TNRC6C: variants seen among roughly 807,000 people sequenced by gnomAD.
The protein encoded by TNRC6C is trinucleotide repeat-containing gene 6C protein.
Under a neutral mutation model 153.7 loss-of-function variants are expected in TNRC6C, and 20 were observed. That is an observed-to-expected ratio of 0.13 (90% CI 0.09 to 0.19). The LOEUF (loss-of-function observed/expected upper bound fraction) is 0.19. Ranked by LOEUF, TNRC6C falls within the 10% of genes least tolerant of loss-of-function variation. The pLI is 1.00. For missense variants in TNRC6C, 1,987 were observed against 2,172.0 expected (o/e 0.91, Z 1.69); for synonymous variants, 811 against 841.4 (o/e 0.96, Z 0.63).
At position 78,031,864 on chromosome 17, in the gene TNRC6C, A is replaced by G. The variant is rs1314448313; in HGVS notation, c.-219+22A>G. On this transcript the variant is annotated intron_variant, in intron 2 of 19. Transcript: ENST00000301624. ...CCAGGTAAAAACCACATAGGATGAGACATTGTTTTGATCTGAAAACTTTGC... is the reference window on the plus strand; with the variant it reads ...CCAGGTAAAAACCACATAGGATGAGGCATTGTTTTGATCTGAAAACTTTGC... The G allele has an allele frequency of 1.2e-5, 15 of 1,231,998 alleles. No individual in the cohort carries two copies. The East Asian group carries it at 4.7e-4, about 39-fold the overall frequency. 76.3% of individuals were successfully genotyped at this position (1,231,998 alleles called of 1,614,324 possible).
At chr17:78,062,973 C>T (rs749377367) in intron 3 of TNRC6C, among the ~76,000 whole-genome samples, 41 of 152,062 alleles carry the variant, frequency 2.7e-4, no homozygotes, top group Non-Finnish European at 4.4e-4. Context: ...AGACTGGGTA[C>T]GGTAACTCAC....
chr17:77,987,258 C>T (rs1475559388), intron 1 of TNRC6C, among the ~76,000 whole-genome samples: 3 of 152,044 alleles, frequency 2.0e-5, no homozygotes, highest in Non-Finnish European at 4.4e-5. Flanking sequence ...GAAATATGTT[C>T]ATTAATAGTC....
intron 7 of TNRC6C, 136 bp downstream of exon 9, chr17:78,073,230 C>G: frequency 1.6e-6 from 1 of 619,142 alleles, no homozygotes; most frequent in Non-Finnish European, 2.6e-6. Flanking sequence ...AAGGGGCAAC[C>G]ACACAACAAG....
At chr17:77,979,852 C>CGG (rs1252141272) in intron 1 of TNRC6C, among the ~76,000 whole-genome samples, 1 of 152,016 alleles carries the variant, frequency 6.6e-6, no homozygotes, top group African/African-American at 2.4e-5. Flanking sequence ...TTCAAAGGAG[C>CGG]GGCAGTAAAG....
chr17:78,034,698 GGT>G (rs929268198), intron 2 of TNRC6C, among the ~76,000 whole-genome samples: 6 of 152,184 alleles, frequency 3.9e-5, no homozygotes, highest in Non-Finnish European at 5.9e-5. Flanking sequence ...GGTCGGGCGT[GGT>G]GGCTGATGCC....
At chr17:78,026,214 A>T (rs1165139588) in intron 1 of TNRC6C, among the ~76,000 whole-genome samples, 1 of 152,236 alleles carries the variant, frequency 6.6e-6, no homozygotes, top group Non-Finnish European at 1.5e-5. Context: ...GTTGTCAAAC[A>T]CTATGCTGCC....
At chr17:78,022,356 A>G (rs2071850636) in intron 1 of TNRC6C, among the ~76,000 whole-genome samples, 1 of 152,226 alleles carries the variant, frequency 6.6e-6, no homozygotes, top group South Asian at 2.1e-4. Flanking sequence ...AATGTCTTAG[A>G]ATTTGGTGGT....
intron 1 of TNRC6C, among the ~76,000 whole-genome samples, chr17:77,969,229 G>A (rs996691715): frequency 6.6e-6 from 1 of 152,108 alleles, no homozygotes; most frequent in Non-Finnish European, 1.5e-5. Flanking sequence ...GACTGACTGA[G>A]GTAGTATAAT....
chr17:77,976,221 A>G (rs377480419), intron 1 of TNRC6C, among the ~76,000 whole-genome samples: 31 of 152,258 alleles, frequency 2.0e-4, no homozygotes, highest in African/African-American at 6.0e-4. Context: ...ATTTGTGTAT[A>G]CGTTTCTGTA....
intron 3 of TNRC6C, among the ~76,000 whole-genome samples, chr17:78,063,026 ACTTGAGGTCAGGAGTT>A (rs1222678807): frequency 1.3e-5 from 2 of 152,078 alleles, no homozygotes; most frequent in Non-Finnish European, 2.9e-5. Context: ...CGGGGGGATC[ACTTGAGGTCAGGAGTT>A]CGAGACCAGC....
Position 78,021,312 on chromosome 17 carries a change from G to A in TNRC6C, c.-545-10204G>A, listed in dbSNP as rs144501789. Among the ~76,000 whole-genome samples the A allele has an allele frequency of 3.4e-3, 518 of 152,368 alleles. 2 individuals are homozygous for A. Among genetic ancestry groups the A allele is most frequent in the Admixed American group, 8.4e-3 (128 of 15,302 alleles). On this transcript the variant is annotated intron_variant, in intron 1 of 19. Coordinates refer to ENST00000301624, the Ensembl canonical transcript of TNRC6C. ...GAGAGGGCCAGCAGAGCACAAAGGC[G>A]TCTCTGAGGGGCACAGGAGGGGCGT... is the stretch of plus-strand genomic sequence containing the variant.
At chr17:77,997,926 T>C (rs2071354508) in intron 1 of TNRC6C, among the ~76,000 whole-genome samples, 1 of 152,162 alleles carries the variant, frequency 6.6e-6, no homozygotes, top group Non-Finnish European at 1.5e-5. Flanking sequence ...CGTGCTGGGA[T>C]TACAGGCGTG....
intron 1 of TNRC6C, among the ~76,000 whole-genome samples, chr17:77,978,404 T>C (rs983268635): frequency 1.1e-4 from 16 of 152,308 alleles, no homozygotes; most frequent in Admixed American, 7.8e-4. Flanking sequence ...GGGTGTCTGC[T>C]TCTGGCTAAG....
In TNRC6C at chr17:78,037,302, T is replaced by G. The variant is rs116386350; in HGVS notation, c.-219+5460T>G. On this transcript the variant is annotated intron_variant, in intron 2 of 19. Coordinates refer to ENST00000301624, the Ensembl canonical transcript of TNRC6C. ...GTGGTTTTGTCATGTGTGTCTTCAT[T>G]TGTTCATTGAGCAGAACATTTGTTG... 7.0e-3 allele frequency among the ~76,000 whole-genome samples: 1,059 copies of G among 152,366 alleles called. 16 individuals carry two copies. Among genetic ancestry groups the G allele is most frequent in the African/African-American group, 0.023 (976 of 41,580 alleles).
chr17:77,960,978 C>T lies in TNRC6C; in HGVS notation c.-38+1710C>T, dbSNP rs1441217686. ...TGGAAGCTGTTTTTCATACAGATTT[C>T]TCATGACCTGACCATAGGCATAGTC... On this transcript the variant is annotated intron_variant, in intron 1 of 22. Transcript: ENST00000636222. 3.9e-5 allele frequency among the ~76,000 whole-genome samples: 6 copies of T among 152,124 alleles called. No homozygotes were observed. The South Asian group carries it at 6.2e-4, about 16-fold the overall frequency.
At chr17:77,985,267 C>G (rs1243891878) in intron 1 of TNRC6C, among the ~76,000 whole-genome samples, 2 of 152,076 alleles carry the variant, frequency 1.3e-5, no homozygotes, top group African/African-American at 4.8e-5. Flanking sequence ...CTAGGCTACC[C>G]ATGTTCCTTG....
At chr17:78,103,061 C>T (rs2073626364) in intron 18 of TNRC6C, among the ~76,000 whole-genome samples, 1 of 152,216 alleles carries the variant, frequency 6.6e-6, no homozygotes, top group African/African-American at 2.4e-5. Flanking sequence ...GCCACACCCA[C>T]CTGCACGTCT....
At chr17:78,059,941 C>T (rs2072733887) in intron 3 of TNRC6C, among the ~76,000 whole-genome samples, 3 of 151,824 alleles carry the variant, frequency 2.0e-5, no homozygotes, top group African/African-American at 4.8e-5. Context: ...GTATTAGTAT[C>T]GTGAAATCAA....
chr17:77,976,882 T>A (rs1434955831), intron 1 of TNRC6C, among the ~76,000 whole-genome samples: 1 of 131,908 alleles, frequency 7.6e-6, no homozygotes, highest in African/African-American at 3.0e-5. Flanking sequence ...TGAGCCAAGA[T>A]TGCACCATTG....
Sources: allele counts gnomAD v4.1 joint callset (sites outside exome capture counted in the v4.1 genomes callset), GRCh38; gene constraint gnomAD v4.1.1; transcripts MANE v1.5; gene names NCBI Gene and HGNC (gene_info 2026-07-23, HGNC 2026-07-21).